IL1RAPL2: variants seen among roughly 807,000 people sequenced by gnomAD.
The protein encoded by IL1RAPL2 is interleukin 1 receptor accessory protein like 2.
Under a neutral mutation model 44.1 loss-of-function variants are expected in IL1RAPL2, and 3 were observed. That is an observed-to-expected ratio of 0.07 (90% CI 0.03 to 0.18). IL1RAPL2 has a LOEUF of 0.18. Among genes scored for constraint, IL1RAPL2 ranks in the 10% least tolerant of loss-of-function variants. The probability of loss-of-function intolerance (pLI) is 1.00; values close to 1 mark genes in which losing one functional copy is unlikely to be tolerated. For synonymous variants in IL1RAPL2, 181 were observed against 178.8 expected (o/e 1.01, Z -0.10); for missense variants, 391 against 496.4 (o/e 0.79, Z 2.02).
intron 2 of IL1RAPL2, among the ~76,000 whole-genome samples, chrX:104,786,331 A>G (rs1423238120): frequency 2.7e-5 from 3 of 111,857 alleles, no homozygotes; most frequent in Non-Finnish European, 5.6e-5. Flanking sequence ...CTCAATCTGT[A>G]TCTGTTCCAA....
At position 105,767,317 on chromosome X, in the gene IL1RAPL2, G is replaced by T; in HGVS notation, c.1717G>T (p.Ala573Ser). 1.7e-6 allele frequency: 2 copies of T among 1,209,694 alleles called. No homozygotes were observed. Among genetic ancestry groups the T allele is most frequent in the Non-Finnish European group, 2.2e-6 (2 of 893,653 alleles). ...ACCTCGGTGCCATGTTCTGGACTCC[G>T]CAGAACAAGGACTTTTTGGAGAACT... is the stretch of plus-strand genomic sequence containing the variant. ...MLPRCHVLDS[A>S]EQGLFGELQP... Residue 573 changes from alanine (A) to serine (S), a missense_variant, in exon 11 of 11, where the codon GCA (alanine) becomes TCA (serine). Physicochemically the swap from Ala to Ser is moderately conservative, Grantham distance 99. Coordinates refer to ENST00000372582, the MANE Select transcript of IL1RAPL2 (RefSeq NM_017416.2).
chrX:105,330,552 G>A (rs894046544), intron 5 of IL1RAPL2, among the ~76,000 whole-genome samples: 1 of 111,162 alleles, frequency 9.0e-6, no homozygotes, highest in Non-Finnish European at 1.9e-5. Context: ...AATGCAAAGT[G>A]TCCAGAACAA....
chrX:105,205,270 A>C (rs1471775442), intron 3 of IL1RAPL2, among the ~76,000 whole-genome samples: 1 of 110,242 alleles, frequency 9.1e-6, no homozygotes, highest in Non-Finnish European at 1.9e-5. Context: ...AAGGTCATGA[A>C]ATGGGAACAG....
chrX:104,674,109 G>T (rs942952430), intron 2 of IL1RAPL2, among the ~76,000 whole-genome samples: 20 of 111,215 alleles, frequency 1.8e-4, no homozygotes, highest in Admixed American at 4.8e-4. Context: ...CTGCCTAATT[G>T]CCCTGGCCAG....
chrX:105,233,708 T>A, intron 3 of IL1RAPL2, 110 bp from the exon 4 acceptor site: 1 of 620,338 alleles, frequency 1.6e-6, no homozygotes, highest in Non-Finnish European at 2.5e-6. Context: ...TTTTTTCTGA[T>A]TTCTAGGCAA....
At chrX:105,136,343 C>T (rs1264334583) in intron 2 of IL1RAPL2, among the ~76,000 whole-genome samples, 1 of 111,848 alleles carries the variant, frequency 8.9e-6, no homozygotes, top group Non-Finnish European at 1.9e-5. Flanking sequence ...TTACTTTGAC[C>T]TTTATTTCCT....
intron 2 of IL1RAPL2, among the ~76,000 whole-genome samples, chrX:105,087,961 TTAGAG>T (rs1211972553): frequency 4.5e-5 from 5 of 112,315 alleles, no homozygotes; most frequent in African/African-American, 9.7e-5. Flanking sequence ...CATAGTTCGA[TTAGAG>T]TAATGTATTT....
At chrX:105,420,233 G>A (rs2035764472) in intron 5 of IL1RAPL2, among the ~76,000 whole-genome samples, 1 of 111,354 alleles carries the variant, frequency 9.0e-6, no homozygotes, top group Admixed American at 9.6e-5. Flanking sequence ...TTTTGATTCA[G>A]GAAATCTGAA....
At chrX:105,217,296 C>T (rs369752090) in intron 3 of IL1RAPL2, among the ~76,000 whole-genome samples, 4,389 of 111,077 alleles carry the variant, frequency 0.04, 255 homozygotes, top group African/African-American at 0.14. Flanking sequence ...GGGTGAAGGA[C>T]ATGAACAGAC....
chrX:104,903,656 C>A (rs954672294), intron 2 of IL1RAPL2, among the ~76,000 whole-genome samples: 29 of 111,076 alleles, frequency 2.6e-4, no homozygotes, highest in African/African-American at 7.9e-4. Flanking sequence ...TGTCTCACTG[C>A]AACCTCTGCC....
intron 2 of IL1RAPL2, among the ~76,000 whole-genome samples, chrX:104,670,270 T>C (rs920006689): frequency 8.1e-5 from 9 of 110,912 alleles, no homozygotes; most frequent in Non-Finnish European, 1.7e-4. Flanking sequence ...GAGTGCAAAG[T>C]CCAAAGAACC....
At chrX:105,257,750 AC>A (rs1265748786) in intron 4 of IL1RAPL2, among the ~76,000 whole-genome samples, 1 of 111,411 alleles carries the variant, frequency 9.0e-6, no homozygotes, top group African/African-American at 3.3e-5. Context: ...TAGAATTGCA[AC>A]CCCTGCTTTT....
chrX:105,288,999 G>A (rs1274262205), intron 5 of IL1RAPL2, among the ~76,000 whole-genome samples: 4 of 111,022 alleles, frequency 3.6e-5, no homozygotes, highest in Non-Finnish European at 7.5e-5. Flanking sequence ...ACAAAATTAT[G>A]GGCCTTGATT....
intron 1 of IL1RAPL2, among the ~76,000 whole-genome samples, chrX:104,613,305 A>G (rs1316389190): frequency 3.6e-5 from 4 of 111,492 alleles, no homozygotes; most frequent in African/African-American, 1.3e-4. Context: ...TGGGTTTGTC[A>G]TAGGTGGCTC....
chrX:104,677,154 T>C (rs1230464380), intron 2 of IL1RAPL2, among the ~76,000 whole-genome samples: 1 of 111,987 alleles, frequency 8.9e-6, no homozygotes, highest in African/African-American at 3.2e-5. Flanking sequence ...TTGCGTTCCT[T>C]TGGAGGAGGA....
At chrX:105,691,109 G>GT (rs1486980560) in intron 6 of IL1RAPL2, among the ~76,000 whole-genome samples, 1 of 111,209 alleles carries the variant, frequency 9.0e-6, no homozygotes, top group African/African-American at 3.3e-5. Flanking sequence ...CACATTGAGG[G>GT]TTAGGGCTTC....
chrX:104,997,564 G>A (rs1412880259), intron 2 of IL1RAPL2, among the ~76,000 whole-genome samples: 1 of 111,521 alleles, frequency 9.0e-6, no homozygotes, highest in Non-Finnish European at 1.9e-5. Context: ...CTGGAAGCAT[G>A]GGAATTAATT....
At position 105,289,932 on chromosome X, in the gene IL1RAPL2, T is replaced by C. The variant is rs139935275; in HGVS notation, c.697+22391T>C. Among the ~76,000 whole-genome samples the C allele has an allele frequency of 2.5e-4, 28 of 110,649 alleles. No homozygotes were observed. The East Asian group carries it at 8.0e-3, about 32-fold the overall frequency. On this transcript the variant is annotated intron_variant, in intron 5 of 10. Coordinates refer to ENST00000372582, the MANE Select transcript of IL1RAPL2 (RefSeq NM_017416.2). ...GATAAGAGAGAAACAGTAAGGAAGATTGAGGAGGAGTATTCAATCAGGCAA... is the reference window on the plus strand; with the variant it reads ...GATAAGAGAGAAACAGTAAGGAAGACTGAGGAGGAGTATTCAATCAGGCAA...
chrX:105,422,787 T>A (rs1490786409), intron 5 of IL1RAPL2, among the ~76,000 whole-genome samples: 2 of 110,848 alleles, frequency 1.8e-5, no homozygotes, highest in Non-Finnish European at 3.8e-5. Context: ...TTCATGAACA[T>A]TTCAGTTCTC....
Sources: allele counts gnomAD v4.1 joint callset (sites outside exome capture counted in the v4.1 genomes callset), GRCh38; gene constraint gnomAD v4.1.1; transcripts MANE v1.5; gene names NCBI Gene and HGNC (gene_info 2026-07-23, HGNC 2026-07-21).